Variants in ZDHHC19 observed in about 807,000 individuals in gnomAD.
ZDHHC19 encodes palmitoyltransferase ZDHHC19.
A neutral mutation model predicts 33.9 loss-of-function variants in ZDHHC19; 30 were observed. The observed-to-expected ratio is 0.88, with a 90% confidence interval of 0.66 to 1.20. The LOEUF is 1.20. Ranked by LOEUF, ZDHHC19 falls within the 50% of genes most tolerant of loss-of-function variation. The probability of loss-of-function intolerance (pLI) is 0.00; values close to 1 mark genes in which losing one functional copy is unlikely to be tolerated. For synonymous variants in ZDHHC19, 178 were observed against 167.6 expected (o/e 1.06, Z -0.48); for missense variants, 364 against 401.1 (o/e 0.91, Z 0.79).
chr3:196,207,574 C>G, intron 4 of ZDHHC19, 71 bp from the exon 5 acceptor site: 1 of 1,027,176 alleles, frequency 9.7e-7, no homozygotes, highest in East Asian at 3.6e-5. Flanking sequence ...GACTCCGCCC[C>G]GAGCCCCGCC....
chr3:196,200,601 A>G (rs545705213), intron 5 of ZDHHC19, among the ~76,000 whole-genome samples: 12,482 of 146,414 alleles, frequency 0.085, 620 homozygotes, highest in Middle Eastern at 0.24. Context: ...TGATCCGCCC[A>G]CCTTGGCCTC....
At chr3:196,209,926 T>A (rs1265099067) in intron 2 of ZDHHC19, among the ~76,000 whole-genome samples, 1 of 152,202 alleles carries the variant, frequency 6.6e-6, no homozygotes, top group Non-Finnish European at 1.5e-5. Flanking sequence ...GCGCGGGGGC[T>A]CACGCCTGTA....
rs1723056424 is a variant in ZDHHC19, at chr3:196,209,661, C to T, written c.269-146G>A. On this transcript the variant is annotated intron_variant, in intron 2 of 7. Coordinates refer to ENST00000296326, the MANE Select transcript of ZDHHC19 (RefSeq NM_001039617.2). Reference sequence around the variant, plus strand: ...GTCCCCACTGAGCAAGCTGTCCAAGCTCAGAGAGGATGGCAGTCAAAGGGA... The same window carrying T: ...GTCCCCACTGAGCAAGCTGTCCAAGTTCAGAGAGGATGGCAGTCAAAGGGA... 9.1e-6 allele frequency: 10 copies of T among 1,099,830 alleles called. 1 individual carries two copies. The highest frequency in any genetic ancestry group is 3.1e-4 in the Middle Eastern group (1 of 3,230). The allele number at this position is 1,099,830 out of a possible 1,614,324, so 68.1% of individuals were successfully genotyped here.
intron 5 of ZDHHC19, among the ~76,000 whole-genome samples, chr3:196,200,572 T>C (rs1374522664): frequency 2.0e-5 from 3 of 150,658 alleles, no homozygotes; most frequent in South Asian, 2.1e-4. Context: ...GCCAGGATGG[T>C]CTCGATCTCC....
chr3:196,201,095 C>T (rs149839933), intron 5 of ZDHHC19, among the ~76,000 whole-genome samples: 99 of 151,070 alleles, frequency 6.6e-4, no homozygotes, highest in East Asian at 4.5e-3. Context: ...TTTTTTGAGA[C>T]GGAGTCTCAC....
intron 5 of ZDHHC19, among the ~76,000 whole-genome samples, chr3:196,200,584 G>A (rs1048509811): frequency 2.0e-5 from 3 of 149,760 alleles, no homozygotes; most frequent in East Asian, 2.0e-4. Flanking sequence ...TCGATCTCCT[G>A]ACCTCGTGAT....
chr3:196,209,326 C>T, intron 3 of ZDHHC19, 50 bp downstream of exon 3: 1 of 1,548,586 alleles, frequency 6.5e-7, no homozygotes, highest in South Asian at 1.2e-5. Flanking sequence ...GGCTCCTGGT[C>T]CCAGCCAGAT....
rs769845049 is a variant in ZDHHC19 at position 196,211,155 on chromosome 3, G to C, written c.146+15C>G. ...CTCTTTGTGGGAAACCTAACGGCTT[G>C]CCTGGAAAACTCACGGGAATGCGAA... On this transcript the variant is annotated intron_variant, in intron 1 of 7. Transcript: ENST00000296326. 6.2e-7 allele frequency: 1 copy of C among 1,610,252 alleles called. No individual in the cohort carries two copies. Among genetic ancestry groups the C allele is most frequent in the South Asian group, 1.1e-5 (1 of 90,892 alleles).
intron 6 of ZDHHC19, 150 bp from the exon 7 acceptor site, chr3:196,198,601 T>C (rs899248015): frequency 1.3e-5 from 20 of 1,547,616 alleles, no homozygotes; most frequent in Middle Eastern, 1.7e-4. Flanking sequence ...CTGTATGCCA[T>C]AGTGGGGCAG....
chr3:196,207,705 AGGCCCGACTCCGCCCCGAGC>A (rs1722870378), intron 4 of ZDHHC19, among the ~76,000 whole-genome samples: 1 of 3,398 alleles, frequency 2.9e-4, no homozygotes, highest in African/African-American at 1.8e-3. Flanking sequence ...CCCGCCCCTC[AGGCCCGACTCCGCCCCGAGC>A]CCCGCCCCGC....
chr3:196,209,049 G>A (rs1458809299), intron 3 of ZDHHC19: 2 of 329,970 alleles, frequency 6.1e-6, no homozygotes, highest in Non-Finnish European at 1.1e-5. Flanking sequence ...CAGGCGGGCA[G>A]CCAGCCTGAG....
At chr3:196,200,459 A>G (rs753175066) in intron 5 of ZDHHC19, among the ~76,000 whole-genome samples, 3 of 145,764 alleles carry the variant, frequency 2.1e-5, no homozygotes, top group Non-Finnish European at 3.0e-5. Flanking sequence ...GGTTCACGCC[A>G]TTCTCCTGCC....
At chr3:196,208,606 C>A in intron 3 of ZDHHC19, 46 bp from the exon 4 acceptor site, 1 of 1,592,946 alleles carries the variant, frequency 6.3e-7, no homozygotes, top group Non-Finnish European at 8.6e-7. Flanking sequence ...TCTCCTCTGG[C>A]CCAAATTCCA....
Position 196,209,395 on chromosome 3 carries a change from CA to C in ZDHHC19, c.388del (p.Trp130GlyfsTer84), listed in dbSNP as rs756499278. ...ACTCACCTCCACACAGATGTTGCAC[CA>C]GGGGCAGTGGTAAGTCCGGGGCGGG... is the stretch of plus-strand genomic sequence containing the variant. ...HRPPRTYHCP[W>X]CNICVEDFDH... On this transcript the variant is annotated frameshift_variant, in exon 3 of 8. Coordinates refer to ENST00000296326, the MANE Select transcript of ZDHHC19 (RefSeq NM_001039617.2). LOFTEE classifies it high-confidence loss of function. 1.2e-6 allele frequency: 2 copies of C among 1,604,204 alleles called. No homozygotes were observed. Among genetic ancestry groups the C allele is most frequent in the South Asian group, 2.2e-5 (2 of 89,190 alleles).
At position 196,209,483 on chromosome 3, in the gene ZDHHC19, C is replaced by T. The variant is rs756946999; in HGVS notation, c.301G>A (p.Val101Met). ...SAEQGPLTVH[V>M]VWVNHGAFRL... ...AAGGCCCCGTGGTTCACCCACACCACGTGCACCGTCAAGGGGCCCTGCTCA... is the reference window on the plus strand; with the variant it reads ...AAGGCCCCGTGGTTCACCCACACCATGTGCACCGTCAAGGGGCCCTGCTCA... The change falls in exon 3 of 8, where the codon GTG (valine) becomes ATG (methionine). Residue 101 changes from valine (V) to methionine (M), a missense_variant. Transcript: ENST00000296326. 1.2e-6 allele frequency: 2 copies of T among 1,612,840 alleles called. No individual in the cohort carries two copies. The highest frequency in any genetic ancestry group is 1.7e-5 in the Admixed American group (1 of 59,884).
At chr3:196,207,734 G>GC (rs1207024392) in intron 4 of ZDHHC19, among the ~76,000 whole-genome samples, 2 of 9,766 alleles carry the variant, frequency 2.0e-4, no homozygotes, top group Admixed American at 8.3e-4. Flanking sequence ...GCCCCGCCCC[G>GC]CCCCTGGCCC....
chr3:196,198,977 C>T, intron 5 of ZDHHC19, 103 bp from the exon 6 acceptor site: 2 of 1,180,608 alleles, frequency 1.7e-6, no homozygotes, highest in Non-Finnish European at 2.5e-6. Flanking sequence ...CAGGGCTCAG[C>T]CCAGGGCACC....
intron 5 of ZDHHC19, among the ~76,000 whole-genome samples, chr3:196,207,184 A>T (rs949930279): frequency 6.6e-6 from 1 of 152,028 alleles, no homozygotes; most frequent in African/African-American, 2.4e-5. Flanking sequence ...AAGAATCCAA[A>T]CCGCCTAGCA....
chr3:196,200,561 A>T (rs372115549), intron 5 of ZDHHC19, among the ~76,000 whole-genome samples: 2 of 148,592 alleles, frequency 1.3e-5, no homozygotes, highest in East Asian at 2.0e-4. Context: ...TCACCGTGTT[A>T]GCCAGGATGG....
Sources: gnomAD v4.1 joint callset for allele counts (sites outside exome capture counted in the v4.1 genomes callset) on GRCh38, gnomAD v4.1.1 for gene constraint, MANE v1.5 for transcripts, NCBI Gene and HGNC (gene_info 2026-07-23, HGNC 2026-07-21) for gene names.